Variants in BTAF1 observed in about 807,000 individuals in gnomAD.
BTAF1 encodes B-TFIID TATA-box binding protein associated factor 1.
Under a neutral mutation model 227.1 loss-of-function variants are expected in BTAF1, and 38 were observed. That is an observed-to-expected ratio of 0.17 (90% CI 0.13 to 0.22). The LOEUF (loss-of-function observed/expected upper bound fraction) is 0.22. BTAF1 is among the 10% of genes least tolerant of loss of function. The pLI is 1.00. For synonymous variants in BTAF1, 742 were observed against 751.9 expected (o/e 0.99, Z 0.21); for missense variants, 1,598 against 2,204.0 (o/e 0.73, Z 5.51).
chr10:92,016,130 A>C (rs572215467), intron 32 of BTAF1, among the ~76,000 whole-genome samples: 22 of 152,262 alleles, frequency 1.4e-4, no homozygotes, highest in Middle Eastern at 6.8e-3. Flanking sequence ...TAATGTGTTC[A>C]TACTTGTTTT....
At chr10:91,967,946 AC>A (rs1365259552) in intron 14 of BTAF1, among the ~76,000 whole-genome samples, 1 of 152,058 alleles carries the variant, frequency 6.6e-6, no homozygotes, top group Non-Finnish European at 1.5e-5. Context: ...GTTCCTGAAT[AC>A]CCTTTTATCC....
chr10:91,982,474 A>G (rs2133985948), intron 17 of BTAF1, 113 bp from the exon 18 acceptor site: 1 of 1,342,848 alleles, frequency 7.4e-7, no homozygotes, highest in Non-Finnish European at 1.0e-6. Flanking sequence ...TATGGCTTCA[A>G]AAAGCCAAAT....
rs970673922 is a variant in BTAF1 at position 91,989,773 on chromosome 10, A to G, written c.2854+193A>G. ...TAATACTTACCAGTCACAACCCTGT[A>G]AGTTCAAAAAAGCCATTCATGGAAG... On this transcript the variant is annotated intron_variant, in intron 20 of 37. Transcript: ENST00000265990. Among the ~76,000 whole-genome samples the G allele has an allele frequency of 3.9e-5, 6 of 152,218 alleles. No individual in the cohort carries two copies. In the East Asian group the frequency reaches 9.6e-4, roughly 24 times the overall value.
At chr10:91,975,896 C>T (rs1411860528) in intron 14 of BTAF1, among the ~76,000 whole-genome samples, 1 of 152,156 alleles carries the variant, frequency 6.6e-6, no homozygotes, top group Non-Finnish European at 1.5e-5. Flanking sequence ...GGGTTTTTTC[C>T]TTACACCAAC....
At chr10:91,937,007 G>C (rs1169663037) in intron 2 of BTAF1, among the ~76,000 whole-genome samples, 3 of 142,466 alleles carry the variant, frequency 2.1e-5, no homozygotes, top group African/African-American at 7.4e-5. Flanking sequence ...CATTGGTTTT[G>C]TTTTCTTTTT....
At position 92,029,010 on chromosome 10, in the gene BTAF1, G is replaced by A. The variant is rs41290162; in HGVS notation, c.*77G>A. ...ATATTCAGCAAATTTCTAAGTTTATGGTGAACTTTTAACTCAATGTGTAAA... is the reference window on the plus strand; with the variant it reads ...ATATTCAGCAAATTTCTAAGTTTATAGTGAACTTTTAACTCAATGTGTAAA... On this transcript the variant is annotated 3_prime_UTR_variant, in exon 38 of 38. Transcript: ENST00000265990. 2.5e-3 allele frequency: 3,389 copies of A among 1,376,192 alleles called. 6 individuals are homozygous for A. Among genetic ancestry groups the A allele is most frequent in the South Asian group, 3.5e-3 (239 of 67,976 alleles). The allele number at this position is 1,376,192 out of a possible 1,614,324, so 85.2% of individuals were successfully genotyped here. A position where few individuals can be genotyped will look rare whatever the true frequency, so the allele number is the denominator to read the frequency against.
intron 25 of BTAF1, among the ~76,000 whole-genome samples, chr10:92,007,210 C>CTTT (rs969389265): frequency 0.037 from 2,243 of 61,286 alleles, 327 homozygotes; most frequent in Non-Finnish European, 0.052. Context: ...TATTTTTTGT[C>CTTT]TTTTTTTTTT....
rs557824732 is a variant in BTAF1 at position 91,987,212 on chromosome 10, A to G, written c.2428-1942A>G. On this transcript the variant is annotated intron_variant, in intron 19 of 37. Coordinates refer to ENST00000265990, the MANE Select transcript of BTAF1 (RefSeq NM_003972.3). Reference sequence around the variant, plus strand: ...AGTCTCATGTGTTTAGGCCGGGCGCAGTGGCTCACGCCTGTAATCCCAGCA... The same window carrying G: ...AGTCTCATGTGTTTAGGCCGGGCGCGGTGGCTCACGCCTGTAATCCCAGCA... Among the ~76,000 whole-genome samples the G allele has an allele frequency of 4.0e-5, 6 of 150,664 alleles. No homozygotes were observed. In the South Asian group the frequency reaches 1.3e-3, roughly 32 times the overall value.
chr10:91,952,704 G>T (rs185394774), intron 5 of BTAF1, among the ~76,000 whole-genome samples: 1 of 152,040 alleles, frequency 6.6e-6, no homozygotes, highest in Non-Finnish European at 1.5e-5. Context: ...TGCAGACAAG[G>T]GGGTAGAAAG....
chr10:91,924,147 C>G (rs1446535841), intron 1 of BTAF1, 57 bp downstream of exon 1: 2 of 1,586,948 alleles, frequency 1.3e-6, no homozygotes, highest in African/African-American at 2.8e-5. Context: ...GCATGGTCTC[C>G]TCTTAGAGCC....
chr10:91,923,888 G>A lies in BTAF1; in HGVS notation c.-189G>A. The A allele has an allele frequency of 1.7e-6, 1 of 602,678 alleles. No homozygotes were observed. The highest frequency in any genetic ancestry group is 2.6e-6 in the Non-Finnish European group (1 of 383,044). The allele number at this position is 602,678 out of a possible 1,614,324, so 37.3% of individuals were successfully genotyped here. A position where few individuals can be genotyped will look rare whatever the true frequency, so the allele number is the denominator to read the frequency against. On this transcript the variant is annotated 5_prime_UTR_variant, in exon 1 of 38. Transcript: ENST00000265990. Reference sequence around the variant, plus strand: ...CGTCTTGGACCCCTGCTTACCGGCCGCCGCGGGGACGAGCTCGGGTAGGCG... The same window carrying A: ...CGTCTTGGACCCCTGCTTACCGGCCACCGCGGGGACGAGCTCGGGTAGGCG...
chr10:91,979,737 C>CTAG (rs942500759), intron 14 of BTAF1, among the ~76,000 whole-genome samples: 11 of 152,138 alleles, frequency 7.2e-5, no homozygotes, highest in African/African-American at 2.7e-4. Context: ...TTTCTGGACA[C>CTAG]ACATTAGATA....
intron 7 of BTAF1, 114 bp downstream of exon 7, chr10:91,956,771 A>G (rs747767321): frequency 1.7e-6 from 2 of 1,164,270 alleles, no homozygotes; most frequent in Non-Finnish European, 2.4e-6. Context: ...GGGCGTTATC[A>G]CGAGGTCAGG....
At chr10:91,948,782 A>G (rs1276403897) in intron 4 of BTAF1, among the ~76,000 whole-genome samples, 1 of 150,160 alleles carries the variant, frequency 6.7e-6, no homozygotes, top group African/African-American at 2.5e-5. Context: ...ATATATTTTT[A>G]AAATTTTTTG....
chr10:91,953,622 T>G, intron 5 of BTAF1, 115 bp from the exon 6 acceptor site: 1 of 1,130,184 alleles, frequency 8.8e-7, no homozygotes, highest in Non-Finnish European at 1.2e-6. Flanking sequence ...CAAAAAAGAA[T>G]GTGATCGATG....
At position 92,013,656 on chromosome 10, in the gene BTAF1, C is replaced by G. The variant is rs1850517792; in HGVS notation, c.4312-11C>G. ...CCCAGTACAAAAGATAATTGGTGTT[C>G]CTGTTTACAGAACAACGTTTTGGAG... On this transcript the variant is annotated splice_polypyrimidine_tract_variant and intron_variant, in intron 30 of 37. Transcript: ENST00000265990. The G allele has an allele frequency of 6.2e-7, 1 of 1,613,732 alleles. No individual in the cohort carries two copies. Among genetic ancestry groups the G allele is most frequent in the South Asian group, 1.1e-5 (1 of 91,052 alleles).
At chr10:91,991,793 G>GTATATA (rs1307734990) in intron 20 of BTAF1, among the ~76,000 whole-genome samples, 135 of 83,346 alleles carry the variant, frequency 1.6e-3, no homozygotes, top group African/African-American at 4.0e-3. Flanking sequence ...GTGTGTGTGT[G>GTATATA]TGTGTATATA....
intron 34 of BTAF1, among the ~76,000 whole-genome samples, chr10:92,021,272 T>G (rs1463641675): frequency 6.6e-6 from 1 of 152,064 alleles, no homozygotes; most frequent in Non-Finnish European, 1.5e-5. Context: ...ACTAAAACTG[T>G]AGGTGAAATT....
chr10:91,982,422 T>C (rs2133985789), intron 17 of BTAF1, 165 bp from the exon 18 acceptor site: 2 of 1,061,956 alleles, frequency 1.9e-6, no homozygotes, highest in East Asian at 5.2e-5. Context: ...TTATATCTTC[T>C]TATGAAGACA....
Sources: allele counts gnomAD v4.1 joint callset (sites outside exome capture counted in the v4.1 genomes callset), GRCh38; gene constraint gnomAD v4.1.1; transcripts MANE v1.5; gene names NCBI Gene and HGNC (gene_info 2026-07-23, HGNC 2026-07-21).